The following MCCC1 variants were observed in gnomAD, a reference collection of about 807,000 sequenced individuals.
MCCC1 encodes methylcrotonoyl-CoA carboxylase subunit alpha, mitochondrial.
A neutral mutation model predicts 83.8 loss-of-function variants in MCCC1; 64 were observed. The ratio of observed to expected loss-of-function variants is 0.76; its 90% CI spans 0.62 to 0.94. The LOEUF is 0.94. Ranked by LOEUF, MCCC1 falls within the 40% of genes least tolerant of loss-of-function variation. The pLI, the probability that MCCC1 is intolerant of heterozygous loss-of-function variation, is 0.00. For synonymous variants in MCCC1, 322 were observed against 315.4 expected, an observed-to-expected ratio of 1.02 and a Z score of -0.22; for missense variants, 807 against 904.7, an observed-to-expected ratio of 0.89 and a Z score of 1.39.
At chr3:183,090,589 CTTTT>C (rs1338123368) in intron 3 of MCCC1, among the ~76,000 whole-genome samples, 3 of 144,784 alleles carry the variant, frequency 2.1e-5, no homozygotes, top group African/African-American at 7.6e-5. Context: ...TGGGAAAATT[CTTTT>C]TTTTTTTTTC....
At chr3:183,115,833 C>G (rs1719578176) in exon 1 of MCCC1, 1 of 151,830 alleles carries the variant, frequency 6.6e-6, no homozygotes, top group South Asian at 2.1e-4. Flanking sequence ...GCCTGAGTGA[C>G]AAGAGCAAAA....
At chr3:183,026,075 C>T (rs1487247799) in intron 14 of MCCC1, among the ~76,000 whole-genome samples, 2 of 152,180 alleles carry the variant, frequency 1.3e-5, no homozygotes, top group Non-Finnish European at 2.9e-5. Context: ...CAGGGTATCA[C>T]TCTGTCACCC....
intron 4 of MCCC1, among the ~76,000 whole-genome samples, chr3:183,074,820 G>A (rs558637645): frequency 6.6e-6 from 1 of 152,260 alleles, no homozygotes; most frequent in East Asian, 1.9e-4. Flanking sequence ...CGTCACCCAG[G>A]TATTAAGCCC....
At chr3:183,091,814 G>A (rs567297713) in intron 3 of MCCC1, among the ~76,000 whole-genome samples, 8 of 152,092 alleles carry the variant, frequency 5.3e-5, no homozygotes, top group Admixed American at 6.6e-5. Flanking sequence ...CAAGGTGGGC[G>A]GATCACGAGG....
chr3:183,094,985 A>G (rs993840079), intron 1 of MCCC1, among the ~76,000 whole-genome samples: 3 of 152,120 alleles, frequency 2.0e-5, no homozygotes, highest in African/African-American at 7.2e-5. Context: ...TTTGTTAAAA[A>G]TGACTCATTC....
chr3:183,095,828 A>G (rs1192873662), intron 1 of MCCC1, among the ~76,000 whole-genome samples: 1 of 152,190 alleles, frequency 6.6e-6, no homozygotes, highest in Non-Finnish European at 1.5e-5. Flanking sequence ...CAGATTTAAA[A>G]GTACTATACA....
intron 4 of MCCC1, among the ~76,000 whole-genome samples, chr3:183,078,044 G>C (rs1338587305): frequency 1.3e-5 from 2 of 152,092 alleles, no homozygotes; most frequent in Non-Finnish European, 2.9e-5. Flanking sequence ...TTTTGAGACA[G>C]AGCCTCGCAG....
At chr3:183,074,225 G>A (rs1396873819) in intron 4 of MCCC1, among the ~76,000 whole-genome samples, 1 of 152,168 alleles carries the variant, frequency 6.6e-6, no homozygotes, top group Non-Finnish European at 1.5e-5. Context: ...TCAGACTTCA[G>A]CCTAGTTACT....
intron 13 of MCCC1, among the ~76,000 whole-genome samples, chr3:183,035,468 C>G (rs960642972): frequency 2.7e-5 from 4 of 150,810 alleles, no homozygotes; most frequent in Non-Finnish European, 5.9e-5. Context: ...ATCACTTACC[C>G]AAAATGCTTG....
chr3:183,035,835 T>C (rs146766475), intron 13 of MCCC1, among the ~76,000 whole-genome samples: 4 of 152,294 alleles, frequency 2.6e-5, no homozygotes, highest in African/African-American at 9.6e-5. Flanking sequence ...CAGAACTTTT[T>C]TTTTTTAATA....
In MCCC1 at chr3:183,091,413, C is replaced by T. The variant is rs148748968; in HGVS notation, c.273+996G>A. On this transcript the variant is annotated intron_variant, in intron 3 of 18. Transcript: ENST00000265594. ...TGAAATCCTGTCTCTACTAAAAATA[C>T]AAAAAAGTAGCCAGGCGTGGTGGTG... 6.1e-3 allele frequency among the ~76,000 whole-genome samples: 934 copies of T among 151,986 alleles called. 10 individuals are homozygous for T. Among genetic ancestry groups the T allele is most frequent in the African/African-American group, 0.021 (881 of 41,462 alleles).
At chr3:183,029,292 C>G (rs1712856873) in intron 14 of MCCC1, 1 of 152,186 alleles carries the variant, frequency 6.6e-6, no homozygotes, top group Non-Finnish European at 1.5e-5. Context: ...GTTTCCAGCC[C>G]CGACATTCCT....
At chr3:183,102,760 T>G (rs970340560), upstream of MCCC1, among the ~76,000 whole-genome samples, 15 of 15,218 alleles carry the variant, frequency 9.9e-4, no homozygotes, top group Non-Finnish European at 1.6e-3. Flanking sequence ...CAGAGAAAGT[T>G]TTTTTTTTTT....
chr3:183,017,719 G>A (rs148211424), intron 17 of MCCC1: 1 of 255,390 alleles, frequency 3.9e-6, no homozygotes, highest in Middle Eastern at 1.5e-3. Flanking sequence ...CAGCCCAAAT[G>A]TACAGGTCAA....
intron 1 of MCCC1, 134 bp from the exon 2 acceptor site, chr3:183,094,739 G>T (rs1164972759): frequency 2.4e-6 from 2 of 840,736 alleles, no homozygotes; most frequent in Middle Eastern, 2.2e-4. Flanking sequence ...TTTCTTAGTG[G>T]GTAGAAAACT....
chr3:183,091,077 G>A (rs766498735), intron 3 of MCCC1: 10 of 456,118 alleles, frequency 2.2e-5, no homozygotes, highest in East Asian at 6.9e-5. Flanking sequence ...GGAATGAAGC[G>A]AAACAAGTTT....
intron 14 of MCCC1, among the ~76,000 whole-genome samples, chr3:183,026,725 C>T (rs973405123): frequency 3.9e-5 from 6 of 152,028 alleles, no homozygotes; most frequent in African/African-American, 1.4e-4. Context: ...AAAAAAAATG[C>T]AATGAATTGG....
At chr3:183,025,171 T>C (rs1175481652) in intron 15 of MCCC1, among the ~76,000 whole-genome samples, 1 of 152,190 alleles carries the variant, frequency 6.6e-6, no homozygotes, top group Non-Finnish European at 1.5e-5. Flanking sequence ...GTTAACTGTT[T>C]AATCAGTGAG....
At chr3:183,108,784 C>T (rs1488211232) in intron 1 of MCCC1, among the ~76,000 whole-genome samples, 2 of 152,160 alleles carry the variant, frequency 1.3e-5, no homozygotes, top group South Asian at 2.1e-4. Context: ...ATCCATCATC[C>T]TCGCACTTGC....
Sources: allele counts gnomAD v4.1 joint callset (sites outside exome capture counted in the v4.1 genomes callset), GRCh38; gene constraint gnomAD v4.1.1; transcripts MANE v1.5; gene names NCBI Gene and HGNC (gene_info 2026-07-23, HGNC 2026-07-21).